SLC39A14: variants seen among roughly 807,000 people sequenced by gnomAD.
The protein encoded by SLC39A14 is metal cation symporter ZIP14.
In SLC39A14, 19 loss-of-function variants were observed where a neutral mutation model predicts 45.5. The observed-to-expected ratio is 0.42, with a 90% CI of 0.29 to 0.61. The LOEUF (loss-of-function observed/expected upper bound fraction) is 0.61, where lower values mean the gene tolerates loss of function less well. SLC39A14 is among the 20% of genes least tolerant of loss of function. The pLI is 0.22. For synonymous variants in SLC39A14, 264 were observed against 251.3 expected (o/e 1.05, Z -0.48); for missense variants, 447 against 616.5 (o/e 0.73, Z 2.91).
chr8:22,415,781 C>T lies in SLC39A14; in HGVS notation c.763C>T (p.His255Tyr). 1 of 1,611,960 alleles carries T rather than the reference C, an allele frequency of 6.2e-7. No homozygotes were observed. Among genetic ancestry groups the T allele is most frequent in the Non-Finnish European group, 8.5e-7 (1 of 1,179,496 alleles). ...LKQKNEHHHG[H>Y]SHYASESLPS... ...GTCACCCTTCCAGCATCATCATGGA[C>T]ACAGCCATTATGCCTCTGAGTCGCT... The change falls in exon 6 of 9, where the codon CAC becomes TAC. Residue 255 changes from histidine (H) to tyrosine (Y), a missense_variant. Around this residue, in one of 2 missense-constraint regions of SLC39A14, gnomAD observed 342 missense variants for 428.1 expected, o/e 0.80. Transcript: ENST00000381237.
chr8:22,408,767 T>C (rs13282084), intron 3 of SLC39A14, among the ~76,000 whole-genome samples: 60,435 of 151,338 alleles, frequency 0.4, 12,762 homozygotes, highest in East Asian at 0.61. Flanking sequence ...CTTTTTGGTC[T>C]GCTTTTTGTT....
At chr8:22,378,287 A>T (rs1393531567) in intron 1 of SLC39A14, among the ~76,000 whole-genome samples, 2 of 152,174 alleles carry the variant, frequency 1.3e-5, no homozygotes, top group African/African-American at 4.8e-5. Flanking sequence ...GGCTTGAAAC[A>T]ACACCCGTTT....
At chr8:22,387,647 G>A (rs1226220002) in intron 1 of SLC39A14, among the ~76,000 whole-genome samples, 1 of 152,210 alleles carries the variant, frequency 6.6e-6, no homozygotes, top group Non-Finnish European at 1.5e-5. Context: ...GTGTGAGCGG[G>A]TGTTGGATCG....
At chr8:22,397,403 C>A (rs191517757) in intron 1 of SLC39A14, among the ~76,000 whole-genome samples, 1 of 152,148 alleles carries the variant, frequency 6.6e-6, no homozygotes, top group Non-Finnish European at 1.5e-5. Context: ...ACAGTGAAAG[C>A]CGGTCTCTAC....
intron 1 of SLC39A14, among the ~76,000 whole-genome samples, chr8:22,393,603 A>G (rs1403708034): frequency 2.0e-5 from 3 of 152,216 alleles, no homozygotes; most frequent in Non-Finnish European, 4.4e-5. Flanking sequence ...TCCAGAGTGT[A>G]TTAATCAAGC....
chr8:22,416,593 T>A (rs1429665506), intron 7 of SLC39A14, among the ~76,000 whole-genome samples: 5 of 138,146 alleles, frequency 3.6e-5, no homozygotes, highest in Non-Finnish European at 4.7e-5. Context: ...CTCGGCTAAA[T>A]TTTTTTTTTT....
At chr8:22,428,524 C>A (rs1836421953) in intron 8 of SLC39A14, among the ~76,000 whole-genome samples, 1 of 145,570 alleles carries the variant, frequency 6.9e-6, no homozygotes, top group African/African-American at 2.5e-5. Flanking sequence ...CTCACTGCAA[C>A]CTCTGCCTCC....
intron 8 of SLC39A14, among the ~76,000 whole-genome samples, chr8:22,432,365 TA>T (rs1563643362): frequency 6.7e-6 from 1 of 149,998 alleles, no homozygotes; most frequent in Non-Finnish European, 1.5e-5. Flanking sequence ...TAGGTGAAGA[TA>T]AAGAAAAGTG....
In SLC39A14 at chr8:22,422,167, G is replaced by C; in HGVS notation, c.*2469G>C. 1.0e-6 allele frequency: 1 copy of C among 985,366 alleles called. No individual in the cohort carries two copies. Among genetic ancestry groups the C allele is most frequent in the Non-Finnish European group, 1.2e-6 (1 of 829,926 alleles). 61.0% of individuals were successfully genotyped at this position (985,366 alleles called of 1,614,324 possible). A position where few individuals can be genotyped will look rare whatever the true frequency, so the allele number is the denominator to read the frequency against. ...CAGTGGGAGGACTTTTTCACCCCTGGCATTAGCAGCTTCGACCTCATTTTC... is the reference window on the plus strand; with the variant it reads ...CAGTGGGAGGACTTTTTCACCCCTGCCATTAGCAGCTTCGACCTCATTTTC... On this transcript the variant is annotated 3_prime_UTR_variant, in exon 9 of 9. Coordinates refer to ENST00000381237, the MANE Select transcript of SLC39A14 (RefSeq NM_001128431.4).
intron 1 of SLC39A14, among the ~76,000 whole-genome samples, chr8:22,397,313 T>C (rs538636394): frequency 2.0e-5 from 3 of 152,198 alleles, no homozygotes; most frequent in Non-Finnish European, 2.9e-5. Context: ...GCGCGGTGGC[T>C]CACGCCTGTA....
In SLC39A14 at chr8:22,415,773, A is replaced by T. The variant is rs1269154073; in HGVS notation, c.755A>T (p.His252Leu). ...KILLKQKNEHHHGHSHYASES... is the reference protein window; with the variant it reads ...KILLKQKNEHLHGHSHYASES... ...CCCTCCCTGTCACCCTTCCAGCATCATCATGGACACAGCCATTATGCCTCT... is the reference window on the plus strand; with the variant it reads ...CCCTCCCTGTCACCCTTCCAGCATCTTCATGGACACAGCCATTATGCCTCT... The change falls in exon 6 of 9, where the codon CAT (histidine) becomes CTT (leucine). Residue 252 changes from histidine (H) to leucine (L), a missense_variant. Coordinates refer to ENST00000381237, the MANE Select transcript of SLC39A14 (RefSeq NM_001128431.4). 1.2e-6 allele frequency: 2 copies of T among 1,611,184 alleles called. No homozygotes were observed. Among genetic ancestry groups the T allele is most frequent in the East Asian group, 4.5e-5 (2 of 44,862 alleles).
chr8:22,420,233 A>C lies in SLC39A14; in HGVS notation c.*535A>C. ...ATTGCCTATTACTTCTCTCAAAGAGAACCTGAAGTCAGAACACATGAGCAG... is the reference window on the plus strand; with the variant it reads ...ATTGCCTATTACTTCTCTCAAAGAGCACCTGAAGTCAGAACACATGAGCAG... On this transcript the variant is annotated 3_prime_UTR_variant, in exon 9 of 9. Coordinates refer to ENST00000381237, the MANE Select transcript of SLC39A14 (RefSeq NM_001128431.4). 1 of 985,760 alleles carries C rather than the reference A, an allele frequency of 1.0e-6. No individual in the cohort carries two copies. Among genetic ancestry groups the C allele is most frequent in the Non-Finnish European group, 1.2e-6 (1 of 830,194 alleles). The allele number at this position is 985,760 out of a possible 1,614,324, so 61.1% of individuals were successfully genotyped here.
In SLC39A14 at chr8:22,404,770, C is replaced by T; in HGVS notation, c.60C>T (p.Gly20=). 6.2e-7 allele frequency: 1 copy of T among 1,613,920 alleles called. No individual in the cohort carries two copies. Among genetic ancestry groups the T allele is most frequent in the Non-Finnish European group, 8.5e-7 (1 of 1,179,890 alleles). Residue 20 remains glycine, a synonymous_variant, in exon 2 of 9, where the codon GGC becomes GGT. Transcript: ENST00000381237. ...FQSCLLLTLL[G]LWRTTPEAHA... ...GCTGCCTCCTGCTGACCCTGCTTGG[C>T]TTATGGAGAACCACCCCTGAGGCTC...
chr8:22,403,277 A>ATT (rs1416955515), intron 1 of SLC39A14, among the ~76,000 whole-genome samples: 1 of 144,090 alleles, frequency 6.9e-6, no homozygotes, highest in African/African-American at 2.6e-5. Flanking sequence ...CGCCCGGCCT[A>ATT]TTTATTTATT....
At chr8:22,391,062 C>T (rs1051716993) in intron 1 of SLC39A14, among the ~76,000 whole-genome samples, 5 of 152,172 alleles carry the variant, frequency 3.3e-5, no homozygotes, top group African/African-American at 9.7e-5. Context: ...AGCTCTGCAA[C>T]GTGATCTTTG....
intron 1 of SLC39A14, among the ~76,000 whole-genome samples, chr8:22,401,686 T>C (rs1834877512): frequency 6.6e-6 from 1 of 151,726 alleles, no homozygotes; most frequent in South Asian, 2.1e-4. Flanking sequence ...TAGCTGGGAT[T>C]GTGTGTGCCT....
At chr8:22,374,947 T>C (rs1235023585) in intron 1 of SLC39A14, among the ~76,000 whole-genome samples, 1 of 152,088 alleles carries the variant, frequency 6.6e-6, no homozygotes, top group Non-Finnish European at 1.5e-5. Context: ...GGTTCCACCA[T>C]GTTGGCCAGC....
chr8:22,370,359 T>G lies in SLC39A14; in HGVS notation c.-16+2951T>G, dbSNP rs1033725128. On this transcript the variant is annotated intron_variant, in intron 1 of 8. Transcript: ENST00000381237. ...TTACACAGTAGTGTTGTGAATAGAT[T>G]GTGCGTGCCTGGGAACCAGGACCTC... Among the ~76,000 whole-genome samples, 3 of 152,210 alleles carry G rather than the reference T, an allele frequency of 2.0e-5. No homozygotes were observed. The South Asian group carries it at 6.2e-4, about 31-fold the overall frequency.
Position 22,415,837 on chromosome 8 carries a change from G to A in SLC39A14, c.819G>A (p.Val273=). The A allele has an allele frequency of 6.2e-7, 1 of 1,613,786 alleles. No homozygotes were observed. Among genetic ancestry groups the A allele is most frequent in the Non-Finnish European group, 8.5e-7 (1 of 1,179,922 alleles). Residue 273 remains valine, a synonymous_variant, in exon 6 of 9, where the codon GTG becomes GTA. Transcript: ENST00000381237. The stretch of plus-strand genomic sequence containing the variant: ...CCAAGAAGGACCAGGAGGAGGGGGT[G>A]ATGGAGAAGCTGCAGAACGGGGACC... ...LPSKKDQEEG[V]MEKLQNGDLD...
Sources: gnomAD v4.1 joint callset for allele counts (sites outside exome capture counted in the v4.1 genomes callset) on GRCh38, gnomAD v4.1.1 for gene constraint, gnomAD v4.1.1 regional missense constraint, MANE v1.5 for transcripts, NCBI Gene and HGNC (gene_info 2026-07-23, HGNC 2026-07-21) for gene names.